PATJ: variants seen among roughly 807,000 people sequenced by gnomAD.
PATJ encodes PATJ crumbs cell polarity complex component, also known as inaD-like protein.
A neutral mutation model predicts 224.9 loss-of-function variants in PATJ; 190 were observed. That is an observed-to-expected ratio of 0.84 (90% CI 0.75 to 0.95). The LOEUF (loss-of-function observed/expected upper bound fraction) is 0.95. PATJ is among the 40% of genes least tolerant of loss of function. PATJ has a pLI of 0.00. For synonymous variants in PATJ, 769 were observed against 820.3 expected, an observed-to-expected ratio of 0.94 and a Z score of 1.07; for missense variants, 2,121 against 2,270.3, an observed-to-expected ratio of 0.93 and a Z score of 1.34.
intron 24 of PATJ, among the ~76,000 whole-genome samples, chr1:61,904,753 C>A (rs1266477434): frequency 1.3e-5 from 2 of 152,206 alleles, no homozygotes; most frequent in African/African-American, 2.4e-5. Context: ...TGCCTCTTCC[C>A]TTTCTCTCCC....
intron 33 of PATJ, among the ~76,000 whole-genome samples, chr1:62,092,861 C>T (rs986742359): frequency 2.6e-5 from 4 of 152,092 alleles, no homozygotes; most frequent in African/African-American, 9.7e-5. Context: ...CCTGCCTCAG[C>T]TTCCTGAGTA....
intron 33 of PATJ, chr1:62,100,391 A>G (rs565850828): frequency 4.2e-6 from 3 of 718,416 alleles, no homozygotes; most frequent in East Asian, 2.7e-5. Context: ...TCATCCTGTG[A>G]CAGAAGTTGA....
chr1:61,992,593 G>T (rs116849354), intron 28 of PATJ, among the ~76,000 whole-genome samples: 1 of 152,036 alleles, frequency 6.6e-6, no homozygotes, highest in African/African-American at 2.4e-5. Context: ...CTATAATTTG[G>T]AATATGAAGA....
At chr1:61,954,752 A>ATTTTTTT (rs373997284) in intron 27 of PATJ, among the ~76,000 whole-genome samples, 1 of 112,310 alleles carries the variant, frequency 8.9e-6, no homozygotes. Context: ...GCCAAACTCT[A>ATTTTTTT]TTGTTTTTTT....
chr1:61,958,241 A>G (rs1473197157), intron 27 of PATJ, among the ~76,000 whole-genome samples: 1 of 152,104 alleles, frequency 6.6e-6, no homozygotes, highest in Non-Finnish European at 1.5e-5. Flanking sequence ...TTGTATACTC[A>G]TTATTTCTAA....
intron 40 of PATJ, chr1:62,128,531 C>A (rs182831789): frequency 2.5e-5 from 8 of 316,748 alleles, no homozygotes; most frequent in Non-Finnish European, 5.9e-6. Context: ...CTTTATTGAA[C>A]GGTTGATGTG....
chr1:62,009,969 G>A (rs1558034276), intron 28 of PATJ, among the ~76,000 whole-genome samples: 1 of 151,184 alleles, frequency 6.6e-6, no homozygotes, highest in Non-Finnish European at 1.5e-5. Flanking sequence ...TGTAATCCCA[G>A]CTACTGAGGA....
chr1:61,890,892 A>C (rs565561133), intron 22 of PATJ, among the ~76,000 whole-genome samples: 6 of 152,320 alleles, frequency 3.9e-5, no homozygotes, highest in African/African-American at 1.4e-4. Context: ...AACAGGCTTA[A>C]TATAACAGCC....
chr1:61,965,683 C>T (rs535855244), intron 27 of PATJ, among the ~76,000 whole-genome samples: 1 of 152,126 alleles, frequency 6.6e-6, no homozygotes. Context: ...CACCCAAATG[C>T]GAGTGGCAAA....
At chr1:61,952,420 T>G in intron 27 of PATJ, 2 of 717,422 alleles carry the variant, frequency 2.8e-6, no homozygotes, top group Non-Finnish European at 5.2e-6. Context: ...AGGTAAGATT[T>G]CTGTTGCCTG....
chr1:61,777,727 T>TTTTTA (rs1647011066), intron 7 of PATJ, among the ~76,000 whole-genome samples: 1 of 130,506 alleles, frequency 7.7e-6, no homozygotes, highest in African/African-American at 2.8e-5. Flanking sequence ...TTTTTTTTTT[T>TTTTTA]AGCATAGTCT....
At position 61,805,462 on chromosome 1, in the gene PATJ, TC is replaced by T; in HGVS notation, c.1565del (p.Ser522PhefsTer6). 1 of 1,605,166 alleles carries T rather than the reference TC, an allele frequency of 6.2e-7. No homozygotes were observed. The highest frequency in any genetic ancestry group is 8.5e-7 in the Non-Finnish European group (1 of 1,172,006). On this transcript the variant is annotated frameshift_variant, in exon 13 of 44. Coordinates refer to ENST00000642238, the MANE Select transcript of PATJ (RefSeq NM_001350145.3). LOFTEE classifies it high-confidence loss of function. ...TTAATATCCAGAAAAAGTCCCAGAC[TC>T]TCCAGAAAATGAGCTGAAATCCAGA... is the stretch of plus-strand genomic sequence containing the variant. ...ALEKLEKVPD[S>X]PENELKSRWE...
intron 27 of PATJ, among the ~76,000 whole-genome samples, chr1:61,980,684 C>T (rs1469851596): frequency 5.9e-5 from 9 of 152,040 alleles, no homozygotes; most frequent in African/African-American, 1.7e-4. Context: ...CTTTTCTCAC[C>T]CCATTGGTTG....
At chr1:61,962,034 A>G (rs929794611) in intron 27 of PATJ, among the ~76,000 whole-genome samples, 41 of 151,674 alleles carry the variant, frequency 2.7e-4, no homozygotes. Context: ...TTGCAGCCCT[A>G]TGTGTTGACA....
At chr1:61,996,836 A>G (rs1645392069) in intron 28 of PATJ, among the ~76,000 whole-genome samples, 1 of 141,032 alleles carries the variant, frequency 7.1e-6, no homozygotes, top group Non-Finnish European at 1.5e-5. Flanking sequence ...TCTGCTTCCT[A>G]GGTCCAAGTG....
At chr1:61,969,384 C>T (rs1334206835) in intron 27 of PATJ, among the ~76,000 whole-genome samples, 1 of 152,088 alleles carries the variant, frequency 6.6e-6, no homozygotes, top group African/African-American at 2.4e-5. Flanking sequence ...CTTGTCTACA[C>T]TTATTATTTG....
intron 22 of PATJ, among the ~76,000 whole-genome samples, chr1:61,898,784 C>T (rs1446805826): frequency 5.3e-5 from 8 of 152,100 alleles, no homozygotes; most frequent in Non-Finnish European, 8.8e-5. Context: ...TTATCCAGTT[C>T]AGCAGTTCTT....
At chr1:61,969,511 A>G (rs749643924) in intron 27 of PATJ, among the ~76,000 whole-genome samples, 13 of 152,146 alleles carry the variant, frequency 8.5e-5, no homozygotes, top group Admixed American at 2.6e-4. Context: ...CTATTTGTAT[A>G]CCATGTTTGG....
chr1:61,765,263 C>T (rs1214731668), intron 3 of PATJ, among the ~76,000 whole-genome samples: 1 of 150,882 alleles, frequency 6.6e-6, no homozygotes, highest in East Asian at 1.9e-4. Context: ...TTTGTTGAGA[C>T]AAGAGTCTCA....
Sources: allele counts gnomAD v4.1 joint callset (sites outside exome capture counted in the v4.1 genomes callset), GRCh38; gene constraint gnomAD v4.1.1; transcripts MANE v1.5; gene names NCBI Gene and HGNC (gene_info 2026-07-23, HGNC 2026-07-21).